Variants in GALNT17 observed in about 807,000 individuals in gnomAD.
GALNT17 encodes polypeptide N-acetylgalactosaminyltransferase 17, also known as UDP-GalNAc:polypeptide N-acetylgalactosaminyltransferase-like 3.
GALNT17 carries 29 observed loss-of-function variants against 63.7 expected under a neutral mutation model. That is an observed-to-expected ratio of 0.46 (90% confidence interval 0.34 to 0.62). The LOEUF (loss-of-function observed/expected upper bound fraction) is 0.62. Among genes scored for constraint, GALNT17 ranks in the 20% least tolerant of loss-of-function variants. The pLI, the probability that GALNT17 is intolerant of heterozygous loss-of-function variation, is 0.01. For missense variants in GALNT17, 603 were observed against 799.6 expected, an observed-to-expected ratio of 0.75 and a Z score of 2.97; for synonymous variants, 305 against 318.3, an observed-to-expected ratio of 0.96 and a Z score of 0.45.
intron 6 of GALNT17, among the ~76,000 whole-genome samples, chr7:71,618,744 C>G (rs1374133966): frequency 6.6e-6 from 1 of 152,142 alleles, no homozygotes; most frequent in Non-Finnish European, 1.5e-5. Flanking sequence ...CAAATATCTT[C>G]TCCCGTTCTA....
At chr7:71,371,547 T>C (rs1444982935) in intron 2 of GALNT17, among the ~76,000 whole-genome samples, 2 of 152,256 alleles carry the variant, frequency 1.3e-5, no homozygotes, top group African/African-American at 4.8e-5. Flanking sequence ...ACTCTTTTGT[T>C]ATTGCTGTAA....
chr7:71,562,870 C>T (rs1472394596), intron 5 of GALNT17, among the ~76,000 whole-genome samples: 1 of 152,086 alleles, frequency 6.6e-6, no homozygotes, highest in Non-Finnish European at 1.5e-5. Context: ...AGAACTTGTA[C>T]TTAATTCAGA....
rs59397445 is a variant in GALNT17, at chr7:71,593,149, C to CAATAATAAT, written c.1080+21771_1080+21779dup. Among the ~76,000 whole-genome samples the CAATAATAAT allele has an allele frequency of 2.9e-3, 427 of 146,930 alleles. 2 individuals are homozygous for CAATAATAAT. Among genetic ancestry groups the CAATAATAAT allele is most frequent in the African/African-American group, 8.7e-3 (339 of 38,916 alleles). ...TAGGCAACAGACCAGGACCTTGTTGCAATAATAATAATAATAATAATAATA... is the reference window on the plus strand; with the variant it reads ...TAGGCAACAGACCAGGACCTTGTTGCAATAATAATAATAATAATAATAATAATAATAATA... On this transcript the variant is annotated intron_variant, in intron 6 of 10. Coordinates refer to ENST00000333538, the MANE Select transcript of GALNT17 (RefSeq NM_022479.3).
At chr7:71,409,863 G>A (rs1793399501) in intron 3 of GALNT17, among the ~76,000 whole-genome samples, 1 of 152,116 alleles carries the variant, frequency 6.6e-6, no homozygotes, top group Admixed American at 6.5e-5. Context: ...GGCTTTGAAG[G>A]GGATCATGGA....
chr7:71,666,136 A>G (rs943063509), intron 7 of GALNT17, among the ~76,000 whole-genome samples: 4 of 152,018 alleles, frequency 2.6e-5, no homozygotes, highest in African/African-American at 9.7e-5. Context: ...TCTATCATTT[A>G]TGAGTCAGGA....
At chr7:71,514,052 G>A (rs139327659) in intron 5 of GALNT17, among the ~76,000 whole-genome samples, 191 of 152,228 alleles carry the variant, frequency 1.3e-3, no homozygotes, top group African/African-American at 4.3e-3. Context: ...AAATTTAGCC[G>A]GGCATGGTGG....
chr7:71,375,705 C>T (rs1792708891), intron 2 of GALNT17, among the ~76,000 whole-genome samples: 1 of 152,214 alleles, frequency 6.6e-6, no homozygotes, highest in Non-Finnish European at 1.5e-5. Flanking sequence ...CAGGCATGAG[C>T]CACTGCCCCC....
intron 6 of GALNT17, among the ~76,000 whole-genome samples, chr7:71,632,915 C>A (rs1790472592): frequency 6.6e-6 from 1 of 151,714 alleles, no homozygotes; most frequent in South Asian, 2.1e-4. Flanking sequence ...ATCAGCATGG[C>A]CAACATAGCA....
At chr7:71,152,711 C>T (rs1788156989) in intron 1 of GALNT17, among the ~76,000 whole-genome samples, 1 of 152,034 alleles carries the variant, frequency 6.6e-6, no homozygotes, top group African/African-American at 2.4e-5. Context: ...CTGCTCAGGG[C>T]AACCTCTGCC....
At chr7:71,689,122 ATGT>A (rs1791405077) in intron 9 of GALNT17, among the ~76,000 whole-genome samples, 1 of 152,110 alleles carries the variant, frequency 6.6e-6, no homozygotes, top group African/African-American at 2.4e-5. Flanking sequence ...TAAATCATAA[ATGT>A]TGTGTGTGTT....
At chr7:71,711,070 A>AC (rs1791785435) in intron 10 of GALNT17, 142 bp downstream of exon 10, 1 of 1,096,486 alleles carries the variant, frequency 9.1e-7, no homozygotes, top group Admixed American at 2.8e-5. Flanking sequence ...GGGCTTGTGG[A>AC]CCCAAAGCAC....
chr7:71,634,414 T>A (rs1261568327), intron 6 of GALNT17, among the ~76,000 whole-genome samples: 1 of 152,164 alleles, frequency 6.6e-6, no homozygotes, highest in Non-Finnish European at 1.5e-5. Flanking sequence ...GGGCGCAGCT[T>A]GGTTTTATGC....
chr7:71,554,880 C>T (rs891794306), intron 5 of GALNT17, among the ~76,000 whole-genome samples: 16 of 152,180 alleles, frequency 1.1e-4, no homozygotes, highest in African/African-American at 2.2e-4. Flanking sequence ...GTCTGTTTTG[C>T]ATTGCTCTAA....
chr7:71,579,456 G>A (rs1469831332), intron 6 of GALNT17, among the ~76,000 whole-genome samples: 1 of 152,188 alleles, frequency 6.6e-6, no homozygotes, highest in Non-Finnish European at 1.5e-5. Flanking sequence ...GCACTGTGAT[G>A]AGTGTGAAAA....
rs1395497746 is a variant in GALNT17, at chr7:71,628,835, G to A, written c.1081-36576G>A. Among the ~76,000 whole-genome samples the A allele has an allele frequency of 2.6e-5, 4 of 152,086 alleles. No homozygotes were observed. The East Asian group carries it at 5.9e-4, about 22-fold the overall frequency. ...TAATCCCAGCTACTCAGGAGGCTGA[G>A]GCACGAGAATCGCTTGAACCCAGGA... On this transcript the variant is annotated intron_variant, in intron 6 of 10. Transcript: ENST00000333538.
At chr7:71,312,692 G>A (rs547079757) in intron 1 of GALNT17, among the ~76,000 whole-genome samples, 1 of 152,184 alleles carries the variant, frequency 6.6e-6, no homozygotes, top group African/African-American at 2.4e-5. Flanking sequence ...CCTCTTCTTA[G>A]GGTCCACTTA....
At chr7:71,276,123 T>C (rs1442859863) in intron 1 of GALNT17, among the ~76,000 whole-genome samples, 1 of 152,180 alleles carries the variant, frequency 6.6e-6, no homozygotes, top group Non-Finnish European at 1.5e-5. Flanking sequence ...TTTTGTTGGC[T>C]GCGGCCTCTC....
intron 5 of GALNT17, among the ~76,000 whole-genome samples, chr7:71,486,849 T>C (rs554611003): frequency 6.8e-6 from 1 of 147,774 alleles, no homozygotes; most frequent in South Asian, 2.2e-4. Flanking sequence ...GGCAACAGGG[T>C]AAGACCCTGT....
intron 5 of GALNT17, among the ~76,000 whole-genome samples, chr7:71,502,045 T>C (rs1292672307): frequency 6.6e-6 from 1 of 152,210 alleles, no homozygotes; most frequent in Non-Finnish European, 1.5e-5. Context: ...TTAACTCTCC[T>C]GTTTATTCAA....
Sources: allele counts gnomAD v4.1 joint callset (sites outside exome capture counted in the v4.1 genomes callset), GRCh38; gene constraint gnomAD v4.1.1; transcripts MANE v1.5; gene names NCBI Gene and HGNC (gene_info 2026-07-23, HGNC 2026-07-21).